The following KIF15 variants were observed in gnomAD, a reference collection of about 807,000 sequenced individuals.
The protein encoded by KIF15 is kinesin-like protein KIF15.
KIF15 carries 140 observed loss-of-function variants against 190.6 expected under a neutral mutation model. The observed-to-expected ratio is 0.73, with a 90% CI of 0.64 to 0.84. The LOEUF is 0.84. Ranked by LOEUF, KIF15 falls within the 40% of genes least tolerant of loss-of-function variation. The pLI is 0.00. For synonymous variants in KIF15, 528 were observed against 551.3 expected (o/e 0.96, Z 0.59); for missense variants, 1,372 against 1,584.4 (o/e 0.87, Z 2.28).
chr3:44,838,511 A>AGG, intron 27 of KIF15, 90 bp downstream of exon 27: 1 of 1,344,304 alleles, frequency 7.4e-7, no homozygotes, highest in Non-Finnish European at 1.0e-6. Flanking sequence ...TGAGAGGCCA[A>AGG]GGGGGTGGAC....
chr3:44,800,370 G>A lies in KIF15; in HGVS notation c.1155G>A (p.Lys385=), dbSNP rs1264952293. Residue 385 remains lysine, a synonymous_variant, in exon 11 of 35, where the codon AAG becomes AAA. Coordinates refer to ENST00000326047, the MANE Select transcript of KIF15 (RefSeq NM_020242.3). ...TGAGCCAGCTCCAAGCTGAAGTGAA[G>A]AGGCTCAAAGAACAACTGGCGGAGC... ...GNVSQLQAEV[K]RLKEQLAELA... 6.2e-7 allele frequency: 1 copy of A among 1,614,140 alleles called. No homozygotes were observed. The highest frequency in any genetic ancestry group is 8.5e-7 in the Non-Finnish European group (1 of 1,180,020).
intron 20 of KIF15, among the ~76,000 whole-genome samples, chr3:44,820,662 T>TG (rs1480432576): frequency 2.0e-5 from 3 of 152,230 alleles, no homozygotes; most frequent in Admixed American, 1.3e-4. Context: ...AGCACAGGGT[T>TG]GGGGGTAAGG....
rs1559572685 is a variant in KIF15 at position 44,828,268 on chromosome 3, A to AG, written c.2912dup (p.Ser971ArgfsTer7). 6.2e-7 allele frequency: 1 copy of AG among 1,613,544 alleles called. No homozygotes were observed. Among genetic ancestry groups the AG allele is most frequent in the South Asian group, 1.1e-5 (1 of 91,068 alleles). Reference sequence around the variant, plus strand: ...CTTGCTTGCTACTGAAAAAGTGATCAGTTCCCTGGAAAAGTCTAGAGATTC... The same window carrying AG: ...CTTGCTTGCTACTGAAAAAGTGATCAGGTTCCCTGGAAAAGTCTAGAGATTC... On this transcript the variant is annotated frameshift_variant, in exon 24 of 35. Transcript: ENST00000326047. LOFTEE classifies it high-confidence loss of function.
At chr3:44,861,983 C>A (rs780137123) in intron 6 of KIF15, 6 of 1,383,730 alleles carry the variant, frequency 4.3e-6, no homozygotes, top group Admixed American at 7.4e-5. Flanking sequence ...TACCCTGACA[C>A]CCCCGCGGAA....
At chr3:44,856,541 G>A (rs746005108), downstream of KIF15, among the ~76,000 whole-genome samples, 4 of 152,208 alleles carry the variant, frequency 2.6e-5, no homozygotes, top group Non-Finnish European at 4.4e-5. Flanking sequence ...TTTGCCTTGT[G>A]TGGGGAGAGA....
chr3:44,805,726 A>T, intron 15 of KIF15, 119 bp from the exon 16 acceptor site: 3 of 935,288 alleles, frequency 3.2e-6, no homozygotes, highest in Non-Finnish European at 4.9e-6. Flanking sequence ...GAGAGAATAG[A>T]GAATATCTCT....
At chr3:44,796,462 C>G (rs1053609473) in intron 8 of KIF15, among the ~76,000 whole-genome samples, 1 of 152,160 alleles carries the variant, frequency 6.6e-6, no homozygotes, top group African/African-American at 2.4e-5. Flanking sequence ...GAAGTAGGTG[C>G]TATTCTTTCT....
At chr3:44,833,939 C>T (rs1023547378) in intron 26 of KIF15, among the ~76,000 whole-genome samples, 6 of 152,068 alleles carry the variant, frequency 3.9e-5, no homozygotes, top group Non-Finnish European at 8.8e-5. Flanking sequence ...TGACTATTGA[C>T]GAAGTTAAAA....
intron 32 of KIF15, 130 bp downstream of exon 32, chr3:44,848,688 A>C (rs1335614508): frequency 1.9e-5 from 8 of 426,284 alleles, no homozygotes; most frequent in Non-Finnish European, 3.4e-5. Context: ...AGATGTTTAC[A>C]GATTTTTTTT....
chr3:44,799,419 C>A (rs749910317), intron 10 of KIF15: 1 of 444,562 alleles, frequency 2.2e-6, no homozygotes, highest in Non-Finnish European at 4.5e-6. Flanking sequence ...TTGGGGCTGT[C>A]ACAGGGTGTT....
At chr3:44,785,901 C>T (rs1046158871) in intron 6 of KIF15, among the ~76,000 whole-genome samples, 1 of 152,138 alleles carries the variant, frequency 6.6e-6, no homozygotes, top group Admixed American at 6.6e-5. Flanking sequence ...CAGTTTGATG[C>T]AGCTCTAAAA....
At chr3:44,763,967 C>G (rs552452903) in intron 1 of KIF15, among the ~76,000 whole-genome samples, 1 of 152,194 alleles carries the variant, frequency 6.6e-6, no homozygotes, top group Non-Finnish European at 1.5e-5. Flanking sequence ...GGATTACAGG[C>G]GTGAGCCACT....
chr3:44,762,309 A>G (rs1705186950), intron 1 of KIF15, among the ~76,000 whole-genome samples: 1 of 152,142 alleles, frequency 6.6e-6, no homozygotes, highest in African/African-American at 2.4e-5. Flanking sequence ...GGAAGGGTTT[A>G]TTTATATTCC....
chr3:44,826,846 A>G (rs1297973289), intron 22 of KIF15: 2 of 268,856 alleles, frequency 7.4e-6, no homozygotes, highest in East Asian at 1.8e-4. Flanking sequence ...ATGCTGCCAT[A>G]TTTCTTCCCT....
At chr3:44,799,750 G>T (rs1575608685) in intron 10 of KIF15, among the ~76,000 whole-genome samples, 1 of 143,182 alleles carries the variant, frequency 7.0e-6, no homozygotes, top group African/African-American at 2.6e-5. Context: ...ATCATTTAGT[G>T]TGGTAAAAAA....
At chr3:44,826,950 A>G (rs1288185124) in intron 22 of KIF15, 1 of 451,974 alleles carries the variant, frequency 2.2e-6, no homozygotes, top group South Asian at 1.6e-5. Context: ...TTGTTTATTC[A>G]GTAGGTACTT....
intron 20 of KIF15, among the ~76,000 whole-genome samples, chr3:44,818,758 A>T (rs1437951576): frequency 6.6e-6 from 1 of 152,216 alleles, no homozygotes; most frequent in Non-Finnish European, 1.5e-5. Flanking sequence ...CTGGCCTCAT[A>T]AAATGAGTTA....
chr3:44,820,961 T>C (rs1172317156), intron 20 of KIF15, among the ~76,000 whole-genome samples: 3,049 of 96,650 alleles, frequency 0.032, 46 homozygotes, highest in African/African-American at 0.096. Context: ...CCGGACGGGG[T>C]GGCTGGCCGG....
At position 44,836,801 on chromosome 3, in the gene KIF15, G is replaced by C. The variant is rs542156924; in HGVS notation, c.3172-1474G>C. Among the ~76,000 whole-genome samples, 749 of 152,342 alleles carry C rather than the reference G, an allele frequency of 4.9e-3. 13 individuals carry two copies. Among genetic ancestry groups the C allele is most frequent in the African/African-American group, 0.017 (690 of 41,570 alleles). On this transcript the variant is annotated intron_variant, in intron 26 of 34. Transcript: ENST00000326047. ...GTGCCATAGCCAAGATAGGAGATCAGTCTCAAATCCTTCTCCCTGACTGAC... is the reference window on the plus strand; with the variant it reads ...GTGCCATAGCCAAGATAGGAGATCACTCTCAAATCCTTCTCCCTGACTGAC...
Sources: gnomAD v4.1 joint callset for allele counts (sites outside exome capture counted in the v4.1 genomes callset) on GRCh38, gnomAD v4.1.1 for gene constraint, MANE v1.5 for transcripts, NCBI Gene and HGNC (gene_info 2026-07-23, HGNC 2026-07-21) for gene names.